VAT1L: variants seen among roughly 807,000 people sequenced by gnomAD.
The protein encoded by VAT1L is putative NADPH-dependent quinone oxidoreductase VAT1L.
Under a neutral mutation model 44.1 loss-of-function variants are expected in VAT1L, and 34 were observed. The ratio of observed to expected loss-of-function variants is 0.77; its 90% confidence interval spans 0.59 to 1.03. The LOEUF (loss-of-function observed/expected upper bound fraction) is 1.03, where lower values mean the gene tolerates loss of function less well. Ranked by LOEUF, VAT1L falls within the 50% of genes least tolerant of loss-of-function variation. The pLI, the probability that VAT1L is intolerant of heterozygous loss-of-function variation, is 0.00. For missense variants in VAT1L, 615 were observed against 538.8 expected (o/e 1.14, Z -1.40); for synonymous variants, 253 against 202.2 (o/e 1.25, Z -2.13).
intron 7 of VAT1L, among the ~76,000 whole-genome samples, chr16:77,929,856 T>A (rs907007366): frequency 6.6e-5 from 10 of 152,208 alleles, no homozygotes; most frequent in Non-Finnish European, 1.2e-4. Context: ...AAAACTGCCC[T>A]CTGGCTGGGT....
intron 7 of VAT1L, among the ~76,000 whole-genome samples, chr16:77,921,824 A>C (rs1319079117): frequency 6.6e-6 from 1 of 151,966 alleles, no homozygotes; most frequent in Non-Finnish European, 1.5e-5. Flanking sequence ...GCTCACTGCA[A>C]CCTCTACCTC....
At chr16:77,963,257 C>T (rs2018183016) in intron 7 of VAT1L, among the ~76,000 whole-genome samples, 1 of 152,138 alleles carries the variant, frequency 6.6e-6, no homozygotes, top group Admixed American at 6.5e-5. Context: ...AAGTTAGGGA[C>T]TTGGGGATGG....
intron 3 of VAT1L, among the ~76,000 whole-genome samples, chr16:77,855,730 G>A (rs988807485): frequency 6.6e-6 from 1 of 152,158 alleles, no homozygotes; most frequent in Non-Finnish European, 1.5e-5. Flanking sequence ...ATCCAGTAGA[G>A]ATGCTCATTA....
intron 7 of VAT1L, among the ~76,000 whole-genome samples, chr16:77,902,902 G>A (rs999495798): frequency 3.3e-5 from 5 of 150,170 alleles, no homozygotes; most frequent in East Asian, 2.0e-4. Flanking sequence ...GAACCCGGGC[G>A]GCTGAGATTT....
At chr16:77,899,818 A>G (rs1210451988) in intron 7 of VAT1L, among the ~76,000 whole-genome samples, 1 of 152,230 alleles carries the variant, frequency 6.6e-6, no homozygotes, top group Admixed American at 6.5e-5. Context: ...ACACAACTCT[A>G]CTAAGTAGTA....
intron 7 of VAT1L, among the ~76,000 whole-genome samples, chr16:77,906,600 TGTGA>T (rs1194517549): frequency 6.6e-6 from 1 of 152,210 alleles, no homozygotes; most frequent in Non-Finnish European, 1.5e-5. Context: ...CAGCTACTGC[TGTGA>T]GTGACTGGTG....
At chr16:77,837,309 T>C (rs1295857126) in intron 3 of VAT1L, among the ~76,000 whole-genome samples, 1 of 152,236 alleles carries the variant, frequency 6.6e-6, no homozygotes, top group Admixed American at 6.5e-5. Context: ...TGGAGCTACC[T>C]TGATGTTAAC....
intron 3 of VAT1L, among the ~76,000 whole-genome samples, chr16:77,840,580 C>T (rs1017039078): frequency 2.0e-5 from 3 of 152,102 alleles, no homozygotes; most frequent in Admixed American, 1.3e-4. Context: ...ATCTGTGCTC[C>T]TCATCCTAGG....
chr16:77,846,421 G>A (rs2016758863), intron 3 of VAT1L, among the ~76,000 whole-genome samples: 1 of 152,072 alleles, frequency 6.6e-6, no homozygotes, highest in Admixed American at 6.6e-5. Context: ...ATTTCATACT[G>A]GTAGGGCTGC....
intron 7 of VAT1L, among the ~76,000 whole-genome samples, chr16:77,889,160 T>C (rs1010068538): frequency 6.6e-6 from 1 of 152,210 alleles, no homozygotes; most frequent in African/African-American, 2.4e-5. Flanking sequence ...TCCAGCTCTA[T>C]AACTTCATCT....
In VAT1L at chr16:77,964,779, C is replaced by CTTTTTTTTTT. The variant is rs10566511; in HGVS notation, c.1078-7048_1078-7039dup. 1.6e-3 allele frequency among the ~76,000 whole-genome samples: 148 copies of CTTTTTTTTTT among 91,846 alleles called. 9 individuals carry two copies. Among genetic ancestry groups the CTTTTTTTTTT allele is most frequent in the African/African-American group, 3.4e-3 (56 of 16,248 alleles). 60.3% of individuals were successfully genotyped at this position (91,846 alleles called of 152,430 possible). ...AACACTGCTCACGCCCTTTGTAGCA[C>CTTTTTTTTTT]TTTTTTTTTTTTTTTTTTTTTTTTT... On this transcript the variant is annotated intron_variant, in intron 7 of 8. Transcript: ENST00000302536.
intron 7 of VAT1L, among the ~76,000 whole-genome samples, chr16:77,966,034 T>TC (rs575275427): frequency 9.5e-4 from 144 of 151,264 alleles, no homozygotes; most frequent in Non-Finnish European, 1.6e-3. Flanking sequence ...TTCCAAACAG[T>TC]CCCCCCCAAA....
At chr16:77,902,648 C>A (rs2017394652) in intron 7 of VAT1L, among the ~76,000 whole-genome samples, 1 of 142,980 alleles carries the variant, frequency 7.0e-6, no homozygotes, top group South Asian at 2.2e-4. Context: ...ATAGATCAAT[C>A]AATCAATCAA....
chr16:77,887,344 G>C (rs1251347130), intron 7 of VAT1L, among the ~76,000 whole-genome samples: 2 of 152,194 alleles, frequency 1.3e-5, no homozygotes, highest in Admixed American at 6.5e-5. Context: ...CTGGTCCCAA[G>C]GGTGTTATCC....
At chr16:77,958,048 C>T (rs1453541242) in intron 7 of VAT1L, among the ~76,000 whole-genome samples, 1 of 152,208 alleles carries the variant, frequency 6.6e-6, no homozygotes, top group African/African-American at 2.4e-5. Context: ...GCTGGGACTA[C>T]AGGCATGTGC....
intron 7 of VAT1L, among the ~76,000 whole-genome samples, chr16:77,912,104 C>G (rs979523802): frequency 6.6e-6 from 1 of 152,160 alleles, no homozygotes; most frequent in Admixed American, 6.5e-5. Context: ...ATTCAGTACA[C>G]ATTTACAGAA....
At chr16:77,806,170 C>G (rs1441124972) in intron 1 of VAT1L, among the ~76,000 whole-genome samples, 1 of 149,946 alleles carries the variant, frequency 6.7e-6, no homozygotes, top group Admixed American at 6.7e-5. Context: ...GCCTCTGCCC[C>G]CTTTTTAAAT....
chr16:77,838,541 C>A (rs945796813), intron 3 of VAT1L, among the ~76,000 whole-genome samples: 1 of 152,064 alleles, frequency 6.6e-6, no homozygotes, highest in Admixed American at 6.6e-5. Flanking sequence ...CGTCCGACTC[C>A]ACGACAGGAT....
rs147075786 is a variant in VAT1L, at chr16:77,969,294, A to G, written c.1078-2556A>G. Among the ~76,000 whole-genome samples the G allele has an allele frequency of 5.6e-3, 848 of 152,212 alleles. 10 individuals carry two copies. Among genetic ancestry groups the G allele is most frequent in the African/African-American group, 0.019 (810 of 41,546 alleles). ...TAACTCTCTGGGGATGCAGCCCAGCAAGTCCCAGCCTCATTTTCCTAGCCC... is the reference window on the plus strand; with the variant it reads ...TAACTCTCTGGGGATGCAGCCCAGCGAGTCCCAGCCTCATTTTCCTAGCCC... On this transcript the variant is annotated intron_variant, in intron 7 of 8. Coordinates refer to ENST00000302536, the MANE Select transcript of VAT1L (RefSeq NM_020927.3).
Sources: gnomAD v4.1 joint callset for allele counts (sites outside exome capture counted in the v4.1 genomes callset) on GRCh38, gnomAD v4.1.1 for gene constraint, MANE v1.5 for transcripts, NCBI Gene and HGNC (gene_info 2026-07-23, HGNC 2026-07-21) for gene names.